WWOX: variants seen among roughly 807,000 people sequenced by gnomAD.
WWOX encodes WW domain-containing oxidoreductase.
In WWOX, 69 loss-of-function variants were observed where a neutral mutation model predicts 46.2. That is an observed-to-expected ratio of 1.49 (90% CI 1.23 to 1.82). WWOX has a LOEUF of 1.82. Among genes scored for constraint, WWOX ranks in the 40% most tolerant of loss-of-function variants. The pLI, the probability that WWOX is intolerant of heterozygous loss-of-function variation, is 0.00. For missense variants in WWOX, 919 were observed against 542.6 expected (o/e 1.69, Z -6.89); for synonymous variants, 359 against 202.6 (o/e 1.77, Z -6.56).
At chr16:78,462,410 T>C (rs1427990550) in intron 8 of WWOX, among the ~76,000 whole-genome samples, 2 of 152,194 alleles carry the variant, frequency 1.3e-5, no homozygotes, top group Non-Finnish European at 2.9e-5. Flanking sequence ...AGATTTATCC[T>C]GTTGTCGCTA....
intron 8 of WWOX, among the ~76,000 whole-genome samples, chr16:78,574,052 C>T (rs1420975244): frequency 6.6e-6 from 1 of 152,152 alleles, no homozygotes; most frequent in African/African-American, 2.4e-5. Context: ...ACTTTATTTC[C>T]TTGTAGCTTT....
chr16:78,291,931 T>A (rs1439839707), intron 5 of WWOX, among the ~76,000 whole-genome samples: 1 of 152,082 alleles, frequency 6.6e-6, no homozygotes, highest in East Asian at 1.9e-4. Flanking sequence ...GGACTTAGCA[T>A]CTGGGAATCC....
At chr16:79,134,599 A>G (rs1162234369) in intron 8 of WWOX, among the ~76,000 whole-genome samples, 1 of 152,166 alleles carries the variant, frequency 6.6e-6, no homozygotes, top group Non-Finnish European at 1.5e-5. Context: ...TTATAAATGC[A>G]GACACATACA....
At chr16:78,730,799 T>G (rs1057040945) in intron 8 of WWOX, among the ~76,000 whole-genome samples, 1 of 151,908 alleles carries the variant, frequency 6.6e-6, no homozygotes, top group Non-Finnish European at 1.5e-5. Flanking sequence ...AGTGACACAG[T>G]TTTCTCTTGT....
chr16:78,363,486 C>T (rs563462708), intron 5 of WWOX, among the ~76,000 whole-genome samples: 8 of 152,088 alleles, frequency 5.3e-5, no homozygotes, highest in African/African-American at 1.7e-4. Context: ...GCTGTGTTTC[C>T]CAGGCTGTCC....
intron 8 of WWOX, among the ~76,000 whole-genome samples, chr16:78,595,468 T>C (rs1360079243): frequency 6.6e-6 from 1 of 152,190 alleles, no homozygotes; most frequent in Non-Finnish European, 1.5e-5. Flanking sequence ...CCGCCATGTC[T>C]TTGCAACTAA....
intron 8 of WWOX, chr16:79,016,686 G>T (rs2047420065): frequency 6.6e-6 from 1 of 152,010 alleles, no homozygotes; most frequent in African/African-American, 2.4e-5. Context: ...GCTTCCCAAA[G>T]TGCTGGGATT....
intron 8 of WWOX, among the ~76,000 whole-genome samples, chr16:78,689,381 C>T (rs1361062899): frequency 6.6e-6 from 1 of 152,198 alleles, no homozygotes; most frequent in African/African-American, 2.4e-5. Context: ...CTGGCTGAGT[C>T]CCATAATGTT....
chr16:78,432,750 A>G lies in WWOX; in HGVS notation c.1054A>G (p.Met352Val), dbSNP rs575317950. The G allele has an allele frequency of 8.7e-6, 14 of 1,614,144 alleles. No individual in the cohort carries two copies. Among genetic ancestry groups the G allele is most frequent in the Middle Eastern group, 1.7e-4 (1 of 6,058 alleles). ...FTLARPFTKS[M>V]QQGAATTVYC... Reference sequence around the variant, plus strand: ...CTTGGCGAGGCCTTTCACCAAGTCCATGGTAAGAGAACAGCTTCTGGCGCC... The same window carrying G: ...CTTGGCGAGGCCTTTCACCAAGTCCGTGGTAAGAGAACAGCTTCTGGCGCC... The change falls in exon 8 of 9, where the codon ATG (methionine) becomes GTG (valine). Residue 352 changes from methionine (M) to valine (V), a missense_variant and splice_region_variant. Transcript: ENST00000566780.
intron 8 of WWOX, among the ~76,000 whole-genome samples, chr16:78,998,586 G>T (rs1460023779): frequency 1.3e-5 from 2 of 152,184 alleles, no homozygotes; most frequent in Non-Finnish European, 2.9e-5. Flanking sequence ...AATCGATGTA[G>T]TTAAGACTCA....
chr16:78,852,462 A>G (rs1453660243), intron 8 of WWOX, among the ~76,000 whole-genome samples: 1 of 152,212 alleles, frequency 6.6e-6, no homozygotes, highest in Non-Finnish European at 1.5e-5. Context: ...TCAGGCTTCC[A>G]ACAGTCAGAC....
chr16:78,546,868 C>G (rs139370836), intron 8 of WWOX, among the ~76,000 whole-genome samples: 1 of 151,984 alleles, frequency 6.6e-6, no homozygotes, highest in South Asian at 2.1e-4. Context: ...GGCTCATGCC[C>G]GTAATCTTAG....
intron 8 of WWOX, among the ~76,000 whole-genome samples, chr16:78,901,309 A>G (rs1012719314): frequency 4.6e-5 from 7 of 152,232 alleles, no homozygotes; most frequent in African/African-American, 1.4e-4. Flanking sequence ...AAATAAGACT[A>G]TGTCATGAAA....
chr16:78,133,418 G>A (rs1475973559), intron 4 of WWOX, among the ~76,000 whole-genome samples: 7 of 152,128 alleles, frequency 4.6e-5, no homozygotes, highest in Admixed American at 4.6e-4. Context: ...GTGCCACCAC[G>A]TCCAGCTAAT....
At chr16:78,792,921 C>G (rs568788591) in intron 8 of WWOX, among the ~76,000 whole-genome samples, 1 of 152,148 alleles carries the variant, frequency 6.6e-6, no homozygotes, top group Non-Finnish European at 1.5e-5. Flanking sequence ...AGGAAAGACG[C>G]AGACCCAAAC....
At chr16:78,745,731 C>T (rs2049332914) in intron 8 of WWOX, among the ~76,000 whole-genome samples, 2 of 150,898 alleles carry the variant, frequency 1.3e-5, no homozygotes, top group Admixed American at 1.3e-4. Context: ...TCTTCTTTTC[C>T]TCCTCCTTCT....
chr16:78,797,287 A>G (rs774281358), intron 8 of WWOX, among the ~76,000 whole-genome samples: 3 of 151,192 alleles, frequency 2.0e-5, no homozygotes, highest in Non-Finnish European at 2.9e-5. Context: ...CCAAATAAGA[A>G]CACATAATTA....
At chr16:78,166,291 T>C (rs2034968701) in intron 5 of WWOX, among the ~76,000 whole-genome samples, 3 of 152,178 alleles carry the variant, frequency 2.0e-5, no homozygotes, top group African/African-American at 7.2e-5. Context: ...TTCCCTTTGG[T>C]GGCCATTTAG....
At position 79,000,070 on chromosome 16, in the gene WWOX, G is replaced by A. The variant is rs72791506; in HGVS notation, c.1057-211538G>A. ...GCGAAAGGGTCTCTTCAGGCTCCTGGGATAAAAACCAGGATCCTTCATGTG... is the reference window on the plus strand; with the variant it reads ...GCGAAAGGGTCTCTTCAGGCTCCTGAGATAAAAACCAGGATCCTTCATGTG... On this transcript the variant is annotated intron_variant, in intron 8 of 8. Transcript: ENST00000566780. 2.7e-3 allele frequency among the ~76,000 whole-genome samples: 408 copies of A among 152,158 alleles called. 2 individuals carry two copies. Among genetic ancestry groups the A allele is most frequent in the Non-Finnish European group, 3.5e-3 (238 of 68,000 alleles).
Sources: gnomAD v4.1 joint callset for allele counts (sites outside exome capture counted in the v4.1 genomes callset) on GRCh38, gnomAD v4.1.1 for gene constraint, MANE v1.5 for transcripts, NCBI Gene and HGNC (gene_info 2026-07-23, HGNC 2026-07-21) for gene names.